Variants in KDM2B observed in about 807,000 individuals in gnomAD.
KDM2B encodes the protein lysine-specific demethylase 2B.
A neutral mutation model predicts 150.0 loss-of-function variants in KDM2B; 26 were observed. The observed-to-expected ratio is 0.17, with a 90% CI of 0.13 to 0.24. The LOEUF is 0.24. Among genes scored for constraint, KDM2B ranks in the 10% least tolerant of loss-of-function variants. The pLI is 1.00. For synonymous variants in KDM2B, 734 were observed against 729.5 expected (o/e 1.01, Z -0.10); for missense variants, 1,265 against 1,816.9 (o/e 0.70, Z 5.52).
the KDM2B span, chr12:121,420,146 T>C: frequency 8.7e-7 from 1 of 1,147,516 alleles, no homozygotes; most frequent in Non-Finnish European, 1.3e-6. Context: ...TTATGCTGGC[T>C]TTCTGGTCAT....
chr12:121,546,379 C>CTG (rs1889044878), intron 6 of KDM2B, among the ~76,000 whole-genome samples: 1 of 97,478 alleles, frequency 1.0e-5, no homozygotes, highest in South Asian at 3.8e-4. Context: ...TTTTTTTTGC[C>CTG]TTTTTTTTTT....
chr12:121,466,742 G>A (rs1426157367), intron 12 of KDM2B, among the ~76,000 whole-genome samples: 3 of 149,116 alleles, frequency 2.0e-5, no homozygotes, highest in Non-Finnish European at 4.5e-5. Flanking sequence ...AGGTGCCGGC[G>A]CCCGCGGGGT....
chr12:121,544,937 T>A (rs1888906694), intron 6 of KDM2B, among the ~76,000 whole-genome samples: 1 of 152,068 alleles, frequency 6.6e-6, no homozygotes, highest in African/African-American at 2.4e-5. Context: ...AAAAAATTTT[T>A]AAAAATTCCT....
At position 121,443,067 on chromosome 12, in the gene KDM2B, C is replaced by G. The variant is rs782187842; in HGVS notation, c.2566-37G>C. ...AAGAAAGGACGCAGAGCTTGCTCCC[C>G]GGGCTCGTGGGATTTGGTCTCCTCG... On this transcript the variant is annotated intron_variant, in intron 17 of 22. Transcript: ENST00000377071. The G allele has an allele frequency of 1.9e-6, 3 of 1,587,820 alleles. No individual in the cohort carries two copies. The South Asian group carries it at 3.4e-5, about 18-fold the overall frequency.
At chr12:121,543,529 A>C (rs781879026) in intron 6 of KDM2B, among the ~76,000 whole-genome samples, 5 of 151,966 alleles carry the variant, frequency 3.3e-5, no homozygotes, top group Non-Finnish European at 7.4e-5. Flanking sequence ...AAATTTTTTA[A>C]TTTTTAAAAA....
At chr12:121,410,320 C>T in the KDM2B span, among the ~76,000 whole-genome samples, 2 of 151,526 alleles carry the variant, frequency 1.3e-5, no homozygotes, top group African/African-American at 4.8e-5. Context: ...AGGCGGATTA[C>T]GAGGTCAGGA....
Position 121,498,917 on chromosome 12 carries a change from A to AT in KDM2B, c.1648-4253dup, listed in dbSNP as rs782187813. On this transcript the variant is annotated intron_variant, in intron 11 of 22. Coordinates refer to ENST00000377071, the MANE Select transcript of KDM2B (RefSeq NM_032590.5). Reference sequence around the variant, plus strand: ...AGCCTCGAACTCCTGGGCTCAAGCAATTCTCCCACCTCAGCCTCCCAAGTA... The same window carrying AT: ...AGCCTCGAACTCCTGGGCTCAAGCAATTTCTCCCACCTCAGCCTCCCAAGTA... Among the ~76,000 whole-genome samples the AT allele has an allele frequency of 2.6e-5, 4 of 152,122 alleles. No individual in the cohort carries two copies. In the South Asian group the frequency reaches 6.2e-4, roughly 24 times the overall value.
At chr12:121,472,708 C>G (rs1480159354) in intron 12 of KDM2B, among the ~76,000 whole-genome samples, 1 of 152,198 alleles carries the variant, frequency 6.6e-6, no homozygotes, top group Non-Finnish European at 1.5e-5. Context: ...TGTTTTTCCA[C>G]CACTCACCCC....
rs1343840522 is a variant in KDM2B at position 121,467,803 on chromosome 12, G to A, written c.1735-14459C>T. The A allele has an allele frequency of 2.6e-5, 4 of 152,266 alleles. No individual in the cohort carries two copies. The highest frequency in any genetic ancestry group is 5.9e-5 in the Non-Finnish European group (4 of 68,094). The allele number at this position is 152,266 out of a possible 1,614,324, so 9.4% of individuals were successfully genotyped here. The stretch of plus-strand genomic sequence containing the variant: ...ACCCGACGCCAGGAGCGGGTCCCCA[G>A]GTCCCTTGCAGCAGGCACACGGGCT... On this transcript the variant is annotated intron_variant, in intron 12 of 22. Transcript: ENST00000377071. This position sits in a 1 kb window ranked among gnomAD's most constrained non-coding sequence, Gnocchi z 5.1.
chr12:121,442,806 T>A lies in KDM2B; in HGVS notation c.2635A>T (p.Met879Leu). ...CGGAGGGGCTTGTTGGCCAGCGCCA[T>A]GCGGTCCTCGGCGTTCTTCCAGGAC... ...RRSWKNAEDR[M>L]ALANKPLRRF... is the part of the protein sequence containing the mutation. The change falls in exon 19 of 23, where the codon ATG (methionine) becomes TTG (leucine). Residue 879 changes from methionine to leucine, a missense_variant. Physicochemically the swap from Met to Leu is conservative, Grantham distance 15. This residue lies in a region of KDM2B where 418 missense variants were observed against 402.4 expected (regional missense o/e 1.04). Coordinates refer to ENST00000377071, the MANE Select transcript of KDM2B (RefSeq NM_032590.5). The surrounding 1 kb of genome is among the most constrained non-coding windows in gnomAD (Gnocchi z 7.7). 6.5e-7 allele frequency: 1 copy of A among 1,531,454 alleles called. No individual in the cohort carries two copies. The highest frequency in any genetic ancestry group is 8.7e-7 in the Non-Finnish European group (1 of 1,145,524). The allele number at this position is 1,531,454 out of a possible 1,614,324, so 94.9% of individuals were successfully genotyped here. A position where few individuals can be genotyped will look rare whatever the true frequency, so the allele number is the denominator to read the frequency against.
intron 4 of KDM2B, among the ~76,000 whole-genome samples, chr12:121,564,915 G>A (rs919849320): frequency 1.3e-5 from 2 of 151,970 alleles, no homozygotes; most frequent in East Asian, 1.9e-4. Flanking sequence ...TGCAGCCTCC[G>A]CCTCTGGGGT....
chr12:121,501,036 G>A (rs2140530699), intron 11 of KDM2B, among the ~76,000 whole-genome samples: 1 of 152,000 alleles, frequency 6.6e-6, no homozygotes, highest in Admixed American at 6.6e-5. Context: ...AGGAGGCGGG[G>A]GTTGTGGTGA....
chr12:121,412,096 CTG>C, the KDM2B span, among the ~76,000 whole-genome samples: 9 of 151,996 alleles, frequency 5.9e-5, no homozygotes, highest in Admixed American at 2.0e-4. Flanking sequence ...GAGTCTCGCT[CTG>C]TCACCCAGGC....
chr12:121,442,097 C>T lies in KDM2B; in HGVS notation c.3284+60G>A. Reference sequence around the variant, plus strand: ...GCATCGCCAGCGACTCCACACACCACGGGCCATCCCTGGTGCCGCCTGAGC... The same window carrying T: ...GCATCGCCAGCGACTCCACACACCATGGGCCATCCCTGGTGCCGCCTGAGC... On this transcript the variant is annotated intron_variant, in intron 19 of 22. Coordinates refer to ENST00000377071, the MANE Select transcript of KDM2B (RefSeq NM_032590.5). This position sits in a 1 kb window ranked among gnomAD's most constrained non-coding sequence, Gnocchi z 7.7. 1 of 1,398,958 alleles carries T rather than the reference C, an allele frequency of 7.1e-7. No homozygotes were observed. Among genetic ancestry groups the T allele is most frequent in the Non-Finnish European group, 1.0e-6 (1 of 988,704 alleles). The allele number at this position is 1,398,958 out of a possible 1,614,324, so 86.7% of individuals were successfully genotyped here.
intron 12 of KDM2B, among the ~76,000 whole-genome samples, chr12:121,462,923 A>G (rs1234887135): frequency 6.6e-6 from 1 of 151,894 alleles, no homozygotes; most frequent in Non-Finnish European, 1.5e-5. Context: ...GCAACACAGC[A>G]AAATTGCATC....
At chr12:121,581,057 C>G (rs535031251), upstream of KDM2B, 145 of 1,055,972 alleles carry the variant, frequency 1.4e-4, no homozygotes, top group East Asian at 3.9e-3. Flanking sequence ...CTTTGCAGTC[C>G]GCAGCTGACC....
intron 4 of KDM2B, among the ~76,000 whole-genome samples, chr12:121,556,810 C>T (rs1889932876): frequency 6.6e-6 from 1 of 151,380 alleles, no homozygotes; most frequent in African/African-American, 2.4e-5. Flanking sequence ...TGAGATGGTG[C>T]CACTGCACTC....
intron 21 of KDM2B, chr12:121,440,305 C>G (rs1468725197): frequency 1.8e-6 from 1 of 559,890 alleles, no homozygotes; most frequent in African/African-American, 1.9e-5. Flanking sequence ...AACACTATGC[C>G]CACATTCCAC....
chr12:121,448,539 CCT>C (rs1292357274), intron 13 of KDM2B, among the ~76,000 whole-genome samples: 2 of 152,140 alleles, frequency 1.3e-5, no homozygotes, highest in East Asian at 1.9e-4. Context: ...CTGTGAGCCC[CCT>C]GAGGCCAGGG....
Sources: allele counts gnomAD v4.1 joint callset (sites outside exome capture counted in the v4.1 genomes callset), GRCh38; gene constraint gnomAD v4.1.1; regional missense constraint gnomAD v4.1.1; non-coding constraint Gnocchi (gnomAD v3.1); transcripts MANE v1.5; gene names NCBI Gene and HGNC (gene_info 2026-07-23, HGNC 2026-07-21).